SGCZ: variants seen among roughly 807,000 people sequenced by gnomAD.
The protein encoded by SGCZ is zeta-sarcoglycan.
In SGCZ, 40 loss-of-function variants were observed where a neutral mutation model predicts 41.3. The ratio of observed to expected loss-of-function variants is 0.97; its 90% CI spans 0.75 to 1.26. SGCZ has a LOEUF of 1.26. Among genes scored for constraint, SGCZ ranks in the 50% most tolerant of loss-of-function variants. SGCZ has a pLI of 0.00. For synonymous variants in SGCZ, 206 were observed against 137.5 expected (o/e 1.50, Z -3.49); for missense variants, 552 against 369.8 (o/e 1.49, Z -4.04).
At chr8:14,220,623 A>T (rs920051110) in intron 4 of SGCZ, among the ~76,000 whole-genome samples, 9 of 152,062 alleles carry the variant, frequency 5.9e-5, no homozygotes, top group African/African-American at 2.2e-4. Flanking sequence ...CTACTAAAAA[A>T]AAATAATACA....
chr8:14,730,406 C>G (rs1042670883), intron 1 of SGCZ, among the ~76,000 whole-genome samples: 1 of 151,902 alleles, frequency 6.6e-6, no homozygotes, highest in African/African-American at 2.4e-5. Flanking sequence ...TCAGTAAAAT[C>G]GATTAGAATA....
At chr8:14,655,330 C>G (rs4831631) in intron 1 of SGCZ, among the ~76,000 whole-genome samples, 74,824 of 151,848 alleles carry the variant, frequency 0.49, 18,994 homozygotes, top group Non-Finnish European at 0.54. Flanking sequence ...TATAAAGTAT[C>G]AAAATATTTA....
intron 1 of SGCZ, among the ~76,000 whole-genome samples, chr8:14,715,077 A>G (rs1809644668): frequency 6.6e-6 from 1 of 152,170 alleles, no homozygotes; most frequent in Non-Finnish European, 1.5e-5. Context: ...TCAGTTTTCA[A>G]AAACAAAACA....
chr8:14,548,411 T>C (rs1803697050), intron 2 of SGCZ, among the ~76,000 whole-genome samples: 1 of 152,194 alleles, frequency 6.6e-6, no homozygotes, highest in African/African-American at 2.4e-5. Flanking sequence ...CATTTATGAA[T>C]ATAAAAATGA....
At chr8:14,177,263 G>A (rs1052764603) in intron 4 of SGCZ, among the ~76,000 whole-genome samples, 1 of 152,230 alleles carries the variant, frequency 6.6e-6, no homozygotes, top group South Asian at 2.1e-4. Flanking sequence ...CAAATGTGCT[G>A]TTGTTGCAAT....
chr8:14,309,491 G>A (rs538493167), intron 3 of SGCZ: 67 of 1,608,032 alleles, frequency 4.2e-5, no homozygotes, highest in Non-Finnish European at 5.5e-5. Flanking sequence ...TAATGTTAGA[G>A]CTAATTGTGA....
intron 2 of SGCZ, among the ~76,000 whole-genome samples, chr8:14,498,801 A>G (rs1300221905): frequency 6.6e-6 from 1 of 151,920 alleles, no homozygotes. Flanking sequence ...AAATCTCCAT[A>G]TTATTGTTTA....
intron 4 of SGCZ, among the ~76,000 whole-genome samples, chr8:14,168,163 A>G (rs1282547926): frequency 6.6e-6 from 1 of 152,182 alleles, no homozygotes; most frequent in Non-Finnish European, 1.5e-5. Flanking sequence ...GTATTACTAA[A>G]AGATTCAAAA....
At chr8:14,996,275 G>T (rs556187503) in intron 1 of SGCZ, among the ~76,000 whole-genome samples, 3 of 152,114 alleles carry the variant, frequency 2.0e-5, no homozygotes, top group African/African-American at 4.8e-5. Flanking sequence ...ATTCTGAACC[G>T]CATGAAACCA....
At chr8:14,612,896 G>A (rs1389851756) in intron 1 of SGCZ, among the ~76,000 whole-genome samples, 4 of 152,218 alleles carry the variant, frequency 2.6e-5, no homozygotes, top group Middle Eastern at 3.4e-3. Flanking sequence ...ATGTTGCCCA[G>A]GGTAGCCTCG....
chr8:14,883,308 C>T (rs1804664507), intron 1 of SGCZ, among the ~76,000 whole-genome samples: 1 of 151,162 alleles, frequency 6.6e-6, no homozygotes, highest in African/African-American at 2.4e-5. Context: ...TCAGTTTTGG[C>T]CCTTGGAATC....
At chr8:14,455,125 T>C (rs1449708282) in intron 2 of SGCZ, among the ~76,000 whole-genome samples, 1 of 152,038 alleles carries the variant, frequency 6.6e-6, no homozygotes, top group Non-Finnish European at 1.5e-5. Flanking sequence ...ACATATACCA[T>C]GGTTGAAGGG....
intron 1 of SGCZ, among the ~76,000 whole-genome samples, chr8:15,185,892 A>T (rs1178276706): frequency 6.6e-6 from 1 of 151,972 alleles, no homozygotes; most frequent in Non-Finnish European, 1.5e-5. Context: ...TTTATGTTAA[A>T]GCAAAGTCCA....
In SGCZ at chr8:15,136,103, T is replaced by C. The variant is rs574391060; in HGVS notation, c.39+101482A>G. On this transcript the variant is annotated intron_variant, in intron 1 of 7. Transcript: ENST00000382080. ...TGGGCATGGCTTATGGAAAGCTCCTTCTGTCCCATCCCTGTTTTAGCTGGT... is the reference window on the plus strand; with the variant it reads ...TGGGCATGGCTTATGGAAAGCTCCTCCTGTCCCATCCCTGTTTTAGCTGGT... 3.9e-5 allele frequency among the ~76,000 whole-genome samples: 6 copies of C among 152,188 alleles called. No individual in the cohort carries two copies. In the South Asian group the frequency reaches 8.3e-4, roughly 21 times the overall value.
chr8:14,946,346 C>G (rs1016540697), intron 1 of SGCZ, among the ~76,000 whole-genome samples: 12 of 151,568 alleles, frequency 7.9e-5, no homozygotes, highest in African/African-American at 2.7e-4. Flanking sequence ...CACGTATACT[C>G]CTCGCGCATC....
intron 2 of SGCZ, among the ~76,000 whole-genome samples, chr8:14,476,049 T>C (rs1284297541): frequency 6.6e-6 from 1 of 152,024 alleles, no homozygotes; most frequent in Non-Finnish European, 1.5e-5. Flanking sequence ...CAAGCAAATC[T>C]TCTACCTTAC....
chr8:14,598,805 A>G (rs1805496484), intron 1 of SGCZ, among the ~76,000 whole-genome samples: 1 of 152,168 alleles, frequency 6.6e-6, no homozygotes, highest in Non-Finnish European at 1.5e-5. Flanking sequence ...CTGAGATTAC[A>G]GGTATGAGGC....
rs189663575 is a variant in SGCZ, at chr8:14,178,990, T to C, written c.425-14288A>G. On this transcript the variant is annotated intron_variant, in intron 4 of 7. Coordinates refer to ENST00000382080, the MANE Select transcript of SGCZ (RefSeq NM_139167.4). ...AGGAGGAAAGCACTGGCAGACCTCATTGAGCTAAAGACAAGGATTGAGTCC... is the reference window on the plus strand; with the variant it reads ...AGGAGGAAAGCACTGGCAGACCTCACTGAGCTAAAGACAAGGATTGAGTCC... 4.1e-4 allele frequency among the ~76,000 whole-genome samples: 62 copies of C among 152,288 alleles called. 1 individual carries two copies. Among genetic ancestry groups the C allele is most frequent in the Middle Eastern group, 3.4e-3 (1 of 294 alleles).
At chr8:14,982,128 A>G (rs1261114677) in intron 1 of SGCZ, among the ~76,000 whole-genome samples, 2 of 149,648 alleles carry the variant, frequency 1.3e-5, no homozygotes, top group Non-Finnish European at 3.0e-5. Flanking sequence ...CCTGCACTCC[A>G]GCCTGGACAA....
Sources: allele counts gnomAD v4.1 joint callset (sites outside exome capture counted in the v4.1 genomes callset), GRCh38; gene constraint gnomAD v4.1.1; transcripts MANE v1.5; gene names NCBI Gene and HGNC (gene_info 2026-07-23, HGNC 2026-07-21).